The following MAP3K21 variants were observed in gnomAD, a reference collection of about 807,000 sequenced individuals.
MAP3K21 encodes the protein mitogen-activated protein kinase kinase kinase 21.
Under a neutral mutation model 86.1 loss-of-function variants are expected in MAP3K21, and 63 were observed. The observed-to-expected ratio is 0.73, with a 90% CI of 0.60 to 0.90. The LOEUF (loss-of-function observed/expected upper bound fraction) is 0.90, where lower values mean the gene tolerates loss of function less well. Among genes scored for constraint, MAP3K21 ranks in the 40% least tolerant of loss-of-function variants. The pLI is 0.00. For missense variants in MAP3K21, 1,220 were observed against 1,367.7 expected, an observed-to-expected ratio of 0.89 and a Z score of 1.70; for synonymous variants, 558 against 564.8, an observed-to-expected ratio of 0.99 and a Z score of 0.17.
rs1284621399 is a variant in MAP3K21 at position 233,384,006 on chromosome 1, C to T, written c.*1295C>T. On this transcript the variant is annotated 3_prime_UTR_variant, in exon 10 of 10. Coordinates refer to ENST00000366624, the MANE Select transcript of MAP3K21 (RefSeq NM_032435.3). ...CTACCCGAGAGCTTGGTAAATTTGC[C>T]TTGGTTTCTTATGTTAAATGTATTG... The T allele has an allele frequency of 6.6e-6, 1 of 152,058 alleles. No individual in the cohort carries two copies. Among genetic ancestry groups the T allele is most frequent in the Non-Finnish European group, 1.5e-5 (1 of 67,980 alleles). The allele number at this position is 152,058 out of a possible 1,614,324, so 9.4% of individuals were successfully genotyped here.
chr1:233,368,516 A>G (rs553327013), intron 5 of MAP3K21, among the ~76,000 whole-genome samples: 7 of 150,006 alleles, frequency 4.7e-5, no homozygotes, highest in Admixed American at 3.3e-4. Context: ...TTAGCTGGGC[A>G]TAGTGGTGCA....
rs1038537281 is a variant in MAP3K21 at position 233,368,945 on chromosome 1, T to C, written c.1553-3093T>C. ...CATTCAGCAAAGTTTTCTAAGTACCTGTAATGTGCAAGGCACTGTGCCAGT... is the reference window on the plus strand; with the variant it reads ...CATTCAGCAAAGTTTTCTAAGTACCCGTAATGTGCAAGGCACTGTGCCAGT... On this transcript the variant is annotated intron_variant, in intron 5 of 9. Coordinates refer to ENST00000366624, the MANE Select transcript of MAP3K21 (RefSeq NM_032435.3). Among the ~76,000 whole-genome samples the C allele has an allele frequency of 3.9e-5, 6 of 152,334 alleles. 1 individual carries two copies. The highest frequency in any genetic ancestry group is 2.1e-4 in the South Asian group (1 of 4,820).
chr1:233,378,834 A>T, intron 8 of MAP3K21, 97 bp from the exon 9 acceptor site: 1 of 875,380 alleles, frequency 1.1e-6, no homozygotes, highest in Non-Finnish European at 1.7e-6. Context: ...GATTTAAAAT[A>T]TGTATTTATT....
intron 1 of MAP3K21, among the ~76,000 whole-genome samples, chr1:233,337,425 G>A (rs952416689): frequency 3.9e-5 from 6 of 152,158 alleles, no homozygotes; most frequent in African/African-American, 1.2e-4. Flanking sequence ...ACACTTCTAA[G>A]TGTTTTACAT....
chr1:233,356,637 A>G (rs962555686), intron 4 of MAP3K21, among the ~76,000 whole-genome samples: 3 of 152,220 alleles, frequency 2.0e-5, no homozygotes, highest in Non-Finnish European at 2.9e-5. Context: ...AAACGTGCTT[A>G]AAGTTGTTCA....
chr1:233,347,072 G>A (rs911462555), intron 2 of MAP3K21, among the ~76,000 whole-genome samples: 1 of 151,762 alleles, frequency 6.6e-6, no homozygotes, highest in Admixed American at 6.6e-5. Flanking sequence ...AGGAGCGGGG[G>A]TTTAGGAGGG....
intron 1 of MAP3K21, among the ~76,000 whole-genome samples, chr1:233,338,284 C>G (rs940804335): frequency 5.3e-5 from 8 of 152,152 alleles, no homozygotes; most frequent in African/African-American, 1.9e-4. Flanking sequence ...ATTTGGTATG[C>G]TAGCTCTTTC....
chr1:233,347,491 C>T (rs1663170110), intron 2 of MAP3K21, among the ~76,000 whole-genome samples: 1 of 152,108 alleles, frequency 6.6e-6, no homozygotes, highest in African/African-American at 2.4e-5. Context: ...TTGTTTAGTG[C>T]TCATAAAATC....
At chr1:233,345,113 A>G (rs918262114) in intron 1 of MAP3K21, among the ~76,000 whole-genome samples, 1 of 152,214 alleles carries the variant, frequency 6.6e-6, no homozygotes, top group African/African-American at 2.4e-5. Flanking sequence ...GAGAAATAGT[A>G]ACGGTTTTAC....
chr1:233,360,940 G>A (rs1320131643), intron 4 of MAP3K21, among the ~76,000 whole-genome samples: 3 of 152,242 alleles, frequency 2.0e-5, no homozygotes, highest in Non-Finnish European at 4.4e-5. Context: ...GAAGGCATCT[G>A]CAGTTTCCAA....
intron 1 of MAP3K21, among the ~76,000 whole-genome samples, chr1:233,338,415 G>A (rs1196467975): frequency 6.6e-6 from 1 of 152,212 alleles, no homozygotes; most frequent in East Asian, 1.9e-4. Context: ...ATTCTAGTGA[G>A]TGAGACAGAC....
chr1:233,332,474 G>T (rs541575595), intron 1 of MAP3K21, among the ~76,000 whole-genome samples: 1 of 152,138 alleles, frequency 6.6e-6, no homozygotes, highest in East Asian at 1.9e-4. Context: ...AGAGGCATGC[G>T]TGGGGCAGGC....
rs1663787532 is a variant in MAP3K21 at position 233,375,940 on chromosome 1, C to G, written c.1700C>G (p.Thr567Ser). The G allele has an allele frequency of 3.7e-6, 6 of 1,611,700 alleles. No homozygotes were observed. Among genetic ancestry groups the G allele is most frequent in the African/African-American group, 1.3e-5 (1 of 74,818 alleles). Residue 567 changes from threonine (T) to serine (S), a missense_variant, in exon 7 of 10, where the codon ACT becomes AGT. Around this residue, in one of 5 missense-constraint regions of MAP3K21, gnomAD observed 632 missense variants for 691.3 expected, o/e 0.91. Transcript: ENST00000366624. ...GTGACTTCAGATGAAAGCAATAAAACTTGGGGAAGGAACACAGTCTTTCGA... is the reference window on the plus strand; with the variant it reads ...GTGACTTCAGATGAAAGCAATAAAAGTTGGGGAAGGAACACAGTCTTTCGA... ...IQLTSDESNK[T>S]WGRNTVFRQE...
chr1:233,381,530 T>C (rs902604579), intron 9 of MAP3K21, among the ~76,000 whole-genome samples: 12 of 152,362 alleles, frequency 7.9e-5, no homozygotes, highest in African/African-American at 2.9e-4. Flanking sequence ...ACTGCTTTCA[T>C]CCTTTTTATC....
At chr1:233,348,319 C>T (rs1663187626) in intron 2 of MAP3K21, among the ~76,000 whole-genome samples, 1 of 152,140 alleles carries the variant, frequency 6.6e-6, no homozygotes, top group Admixed American at 6.6e-5. Context: ...GGATCAATAC[C>T]TCCTTCATTT....
chr1:233,337,992 T>C (rs147078665), intron 1 of MAP3K21, among the ~76,000 whole-genome samples: 4 of 152,264 alleles, frequency 2.6e-5, no homozygotes, highest in Non-Finnish European at 5.9e-5. Context: ...AAATATGTTA[T>C]GTTCTTGCTA....
chr1:233,343,964 C>G (rs1663086094), intron 1 of MAP3K21, among the ~76,000 whole-genome samples: 1 of 152,200 alleles, frequency 6.6e-6, no homozygotes, highest in South Asian at 2.1e-4. Flanking sequence ...GAGAGGGTGG[C>G]AGCCTCCAGC....
chr1:233,370,787 G>A (rs569581416), intron 5 of MAP3K21, among the ~76,000 whole-genome samples: 54 of 152,264 alleles, frequency 3.5e-4, no homozygotes, highest in Middle Eastern at 3.4e-3. Flanking sequence ...TGGGTTAAAC[G>A]CAGACCTGGT....
intron 1 of MAP3K21, among the ~76,000 whole-genome samples, chr1:233,336,040 C>T (rs1354048025): frequency 6.6e-6 from 1 of 152,160 alleles, no homozygotes; most frequent in African/African-American, 2.4e-5. Flanking sequence ...TTCTGTTGAT[C>T]CAGAATGACA....
Sources: allele counts gnomAD v4.1 joint callset (sites outside exome capture counted in the v4.1 genomes callset), GRCh38; gene constraint gnomAD v4.1.1; regional missense constraint gnomAD v4.1.1; transcripts MANE v1.5; gene names NCBI Gene and HGNC (gene_info 2026-07-23, HGNC 2026-07-21).